UGGT2: variants seen among roughly 807,000 people sequenced by gnomAD.
UGGT2 encodes UDP-glucose:glycoprotein glucosyltransferase 2.
In UGGT2, 180 loss-of-function variants were observed where a neutral mutation model predicts 192.1. The ratio of observed to expected loss-of-function variants is 0.94; its 90% CI spans 0.83 to 1.06. The LOEUF is 1.06. Ranked by LOEUF, UGGT2 falls within the 50% of genes least tolerant of loss-of-function variation. UGGT2 has a pLI of 0.00. For synonymous variants in UGGT2, 580 were observed against 591.0 expected (o/e 0.98, Z 0.27); for missense variants, 1,849 against 1,795.7 (o/e 1.03, Z -0.54).
chr13:95,820,033 T>C (rs1885339171), intron 38 of UGGT2, among the ~76,000 whole-genome samples: 1 of 151,992 alleles, frequency 6.6e-6, no homozygotes, highest in Non-Finnish European at 1.5e-5. Flanking sequence ...TGGCACACAC[T>C]TATAATCTCA....
intron 20 of UGGT2, among the ~76,000 whole-genome samples, chr13:95,903,636 C>T (rs1339669159): frequency 6.6e-6 from 1 of 152,158 alleles, no homozygotes; most frequent in African/African-American, 2.4e-5. Context: ...TTTATCAATA[C>T]TGTTTTCTGT....
chr13:95,931,171 A>T (rs2049249897), intron 17 of UGGT2, among the ~76,000 whole-genome samples: 1 of 152,162 alleles, frequency 6.6e-6, no homozygotes, highest in Admixed American at 6.5e-5. Flanking sequence ...AGCTAGCCAC[A>T]AAAGTTCTCC....
intron 38 of UGGT2, chr13:95,809,200 T>TA (rs1419028883): frequency 2.0e-6 from 1 of 494,910 alleles, no homozygotes; most frequent in African/African-American, 2.0e-5. Context: ...AAAATGTTTC[T>TA]AGAGCTACTA....
At chr13:95,927,982 G>A (rs1014289468) in intron 17 of UGGT2, among the ~76,000 whole-genome samples, 6 of 152,136 alleles carry the variant, frequency 3.9e-5, no homozygotes, top group African/African-American at 1.4e-4. Flanking sequence ...GGGGTTGGGG[G>A]TAAGGTTATA....
At chr13:95,867,272 TA>T in intron 30 of UGGT2, 66 bp downstream of exon 30, 1 of 1,325,110 alleles carries the variant, frequency 7.5e-7, no homozygotes. Flanking sequence ...ATCAATTAAT[TA>T]AAAAACAAAG....
At chr13:96,031,691 A>G (rs753675022) in intron 2 of UGGT2, among the ~76,000 whole-genome samples, 198 bp downstream of exon 2, 2 of 152,214 alleles carry the variant, frequency 1.3e-5, no homozygotes, top group Non-Finnish European at 2.9e-5. Flanking sequence ...GTATCTTATA[A>G]TAAAGTATTA....
chr13:96,014,751 T>C (rs749186336), intron 4 of UGGT2, among the ~76,000 whole-genome samples: 5 of 152,118 alleles, frequency 3.3e-5, no homozygotes, highest in Non-Finnish European at 5.9e-5. Flanking sequence ...ATACTTCACT[T>C]TGAAAAGAGA....
At chr13:95,935,650 A>T (rs1013067647) in intron 17 of UGGT2, among the ~76,000 whole-genome samples, 3 of 152,090 alleles carry the variant, frequency 2.0e-5, no homozygotes, top group African/African-American at 7.2e-5. Context: ...TGTTCTCTGA[A>T]TTTCTTGTAA....
At chr13:95,820,751 C>G (rs1885426350) in intron 38 of UGGT2, among the ~76,000 whole-genome samples, 1 of 151,766 alleles carries the variant, frequency 6.6e-6, no homozygotes, top group African/African-American at 2.4e-5. Context: ...ATCCCTCACT[C>G]CCTTTTCCCT....
intron 38 of UGGT2, among the ~76,000 whole-genome samples, chr13:95,808,604 T>C (rs946061016): frequency 1.3e-5 from 2 of 152,190 alleles, no homozygotes; most frequent in African/African-American, 2.4e-5. Flanking sequence ...TAAAAAGCCA[T>C]GTATTGCAAA....
chr13:95,940,821 G>A (rs532297364), intron 15 of UGGT2, among the ~76,000 whole-genome samples: 2 of 152,152 alleles, frequency 1.3e-5, no homozygotes, highest in African/African-American at 4.8e-5. Context: ...TCAAACACCT[G>A]GGCTCAAGCA....
At chr13:95,816,274 A>G (rs1309381651) in intron 38 of UGGT2, among the ~76,000 whole-genome samples, 1 of 152,220 alleles carries the variant, frequency 6.6e-6, no homozygotes, top group Non-Finnish European at 1.5e-5. Flanking sequence ...TAAGAGAGTG[A>G]TATCAAATGT....
At chr13:95,907,489 C>T (rs189541916) in intron 20 of UGGT2, among the ~76,000 whole-genome samples, 2 of 152,180 alleles carry the variant, frequency 1.3e-5, no homozygotes, top group East Asian at 1.9e-4. Context: ...CTGGGAGACA[C>T]CTCCCAACAG....
Position 95,972,666 on chromosome 13 carries a change from A to T in UGGT2, c.1098T>A (p.Leu366=). The change falls in exon 11 of 39, where the codon CTT becomes CTA. Residue 366 remains leucine, a synonymous_variant. Coordinates refer to ENST00000376747, the MANE Select transcript of UGGT2 (RefSeq NM_020121.4). ...REEIKENQKD[L]QVRFKIQPGD... is the part of the protein sequence containing the mutation. ...CTGGCTGAATTTTAAATCTAACTTGAAGATCCTTGAAGTAGAGCAAAGCAA... is the reference window on the plus strand; with the variant it reads ...CTGGCTGAATTTTAAATCTAACTTGTAGATCCTTGAAGTAGAGCAAAGCAA... The T allele has an allele frequency of 6.2e-7, 1 of 1,613,112 alleles. No individual in the cohort carries two copies. Among genetic ancestry groups the T allele is most frequent in the Non-Finnish European group, 8.5e-7 (1 of 1,179,232 alleles).
intron 27 of UGGT2, among the ~76,000 whole-genome samples, chr13:95,879,442 G>C (rs916173776): frequency 6.6e-6 from 1 of 152,000 alleles, no homozygotes; most frequent in African/African-American, 2.4e-5. Flanking sequence ...TTATTTATTT[G>C]TTTGTTTGTT....
intron 1 of UGGT2, among the ~76,000 whole-genome samples, chr13:96,036,805 G>A (rs1400416319): frequency 6.6e-6 from 1 of 152,156 alleles, no homozygotes; most frequent in African/African-American, 2.4e-5. Context: ...TGTCACACAG[G>A]CTGGAGTGCA....
chr13:96,016,958 C>T (rs1444176326), intron 4 of UGGT2, among the ~76,000 whole-genome samples: 2 of 152,174 alleles, frequency 1.3e-5, no homozygotes, highest in Non-Finnish European at 2.9e-5. Flanking sequence ...CCAGGATGTA[C>T]ATCACGATGT....
intron 10 of UGGT2, among the ~76,000 whole-genome samples, chr13:95,981,779 T>C (rs935310643): frequency 6.6e-6 from 1 of 152,182 alleles, no homozygotes; most frequent in Non-Finnish European, 1.5e-5. Flanking sequence ...TTGCAATGAA[T>C]AGTCCAAGAT....
intron 7 of UGGT2, among the ~76,000 whole-genome samples, chr13:95,994,727 C>T (rs760539926): frequency 2.0e-5 from 3 of 151,810 alleles, no homozygotes; most frequent in African/African-American, 4.8e-5. Context: ...GTACTACTTT[C>T]GAATATGGGA....
Sources: gnomAD v4.1 joint callset for allele counts (sites outside exome capture counted in the v4.1 genomes callset) on GRCh38, gnomAD v4.1.1 for gene constraint, MANE v1.5 for transcripts, NCBI Gene and HGNC (gene_info 2026-07-23, HGNC 2026-07-21) for gene names.